ZNF536: variants seen among roughly 807,000 people sequenced by gnomAD.
The protein encoded by ZNF536 is zinc finger protein 536.
ZNF536 carries 13 observed loss-of-function variants against 84.5 expected under a neutral mutation model. The ratio of observed to expected loss-of-function variants is 0.15; its 90% CI spans 0.10 to 0.24. The LOEUF (loss-of-function observed/expected upper bound fraction) is 0.24. Among genes scored for constraint, ZNF536 ranks in the 10% least tolerant of loss-of-function variants. The pLI is 1.00. For missense variants in ZNF536, 1,536 were observed against 1,747.5 expected, an observed-to-expected ratio of 0.88 and a Z score of 2.16; for synonymous variants, 811 against 742.5, an observed-to-expected ratio of 1.09 and a Z score of -1.50.
chr19:30,344,093 A>C, intron 2 of ZNF536, among the ~76,000 whole-genome samples: 1 of 151,800 alleles, frequency 6.6e-6, no homozygotes, highest in African/African-American at 2.4e-5. Flanking sequence ...GCTGGGTTTC[A>C]GGGGCACCCC....
In ZNF536 at chr19:30,695,036, G is replaced by A. The variant is rs573419543; in HGVS notation, c.170-15721G>A. Among the ~76,000 whole-genome samples, 10 of 152,346 alleles carry A rather than the reference G, an allele frequency of 6.6e-5. No individual in the cohort carries two copies. The East Asian group carries it at 1.9e-3, about 29-fold the overall frequency. The stretch of plus-strand genomic sequence containing the variant: ...CACTCTCCACCAACGTGGAGAATGG[G>A]AGGAAGAGCGTAGTATTAATAGCTG... On this transcript the variant is annotated intron_variant, in intron 1 of 1. Coordinates refer to the ZNF536 transcript ENST00000592773.
At chr19:30,583,203 G>T (rs1270043970) in intron 1 of ZNF536, among the ~76,000 whole-genome samples, 1 of 152,222 alleles carries the variant, frequency 6.6e-6, no homozygotes, top group Non-Finnish European at 1.5e-5. Context: ...GTTGGAAGGA[G>T]TTCCTGGTCT....
At chr19:30,688,163 A>G (rs2051272342) in intron 1 of ZNF536, among the ~76,000 whole-genome samples, 1 of 152,154 alleles carries the variant, frequency 6.6e-6, no homozygotes, top group Admixed American at 6.5e-5. Flanking sequence ...TCTCCTGCCC[A>G]GGGCTGTGCA....
downstream of ZNF536, among the ~76,000 whole-genome samples, chr19:30,559,770 C>T (rs1568554620): frequency 6.6e-6 from 1 of 152,162 alleles, no homozygotes; most frequent in Admixed American, 6.5e-5. Context: ...GCCTGGAAGG[C>T]TCCCTGGAGC....
upstream of ZNF536, among the ~76,000 whole-genome samples, chr19:30,371,517 A>G (rs1367057373): frequency 6.6e-6 from 1 of 151,892 alleles, no homozygotes. Context: ...TCACCACTAA[A>G]ATAGCACACC....
intron 2 of ZNF536, among the ~76,000 whole-genome samples, chr19:30,507,612 G>T (rs78218171): frequency 7.9e-5 from 12 of 151,962 alleles, no homozygotes; most frequent in East Asian, 1.9e-4. Context: ...AGAGAAAAAG[G>T]GTTCCAAAAA....
At chr19:30,684,039 T>G (rs1242053296) in intron 1 of ZNF536, among the ~76,000 whole-genome samples, 2 of 152,204 alleles carry the variant, frequency 1.3e-5, no homozygotes, top group African/African-American at 2.4e-5. Flanking sequence ...GAAATCTTCT[T>G]GGAAAATTAT....
chr19:30,477,481 G>GA (rs961659899), intron 2 of ZNF536, among the ~76,000 whole-genome samples: 2 of 152,146 alleles, frequency 1.3e-5, no homozygotes, highest in African/African-American at 4.8e-5. Context: ...CCCAAGACAT[G>GA]AAAAAAATAT....
chr19:30,481,539 G>T (rs1251209149), intron 2 of ZNF536, among the ~76,000 whole-genome samples: 3 of 152,136 alleles, frequency 2.0e-5, no homozygotes, highest in Non-Finnish European at 4.4e-5. Flanking sequence ...ATACACATTG[G>T]TTCGTGATGA....
chr19:30,675,059 C>T (rs937851437), intron 1 of ZNF536, among the ~76,000 whole-genome samples: 6 of 152,166 alleles, frequency 3.9e-5, no homozygotes, highest in Non-Finnish European at 5.9e-5. Context: ...CAGTGCTCCA[C>T]GAGGCTCAGT....
At chr19:30,380,774 T>C (rs989792009) in intron 1 of ZNF536, among the ~76,000 whole-genome samples, 1 of 152,254 alleles carries the variant, frequency 6.6e-6, no homozygotes, top group South Asian at 2.1e-4. Flanking sequence ...GTCTGGCTGC[T>C]TCTCAGCAAG....
chr19:30,626,786 A>C (rs2048696154), intron 1 of ZNF536, among the ~76,000 whole-genome samples: 1 of 152,226 alleles, frequency 6.6e-6, no homozygotes, highest in African/African-American at 2.4e-5. Context: ...ATGTGCGGTG[A>C]TGGTGACCGC....
At chr19:30,422,937 C>A (rs1473258116) in intron 1 of ZNF536, among the ~76,000 whole-genome samples, 2 of 129,514 alleles carry the variant, frequency 1.5e-5, no homozygotes, top group South Asian at 6.3e-4. Flanking sequence ...ATCTACACAT[C>A]CATCCATCCA....
intron 1 of ZNF536, among the ~76,000 whole-genome samples, chr19:30,649,722 G>A (rs1398308815): frequency 6.6e-6 from 1 of 152,062 alleles, no homozygotes; most frequent in Admixed American, 6.5e-5. Context: ...AAGCCCGAGA[G>A]TCATCCTAAC....
chr19:30,470,963 C>T (rs1024165587), intron 2 of ZNF536, among the ~76,000 whole-genome samples: 2 of 150,918 alleles, frequency 1.3e-5, no homozygotes, highest in African/African-American at 4.9e-5. Context: ...GCTGGGAGTA[C>T]AGGCATGAGC....
chr19:30,649,694 T>G lies in ZNF536; in HGVS notation c.170-61063T>G, dbSNP rs576220909. Among the ~76,000 whole-genome samples the G allele has an allele frequency of 5.9e-5, 9 of 152,134 alleles. No individual in the cohort carries two copies. The East Asian group carries it at 1.7e-3, about 29-fold the overall frequency. ...ACAGGAAAACAATAGACTTGAAAGATACACACTTGTTCTTTTGAAGCCCGA... is the reference window on the plus strand; with the variant it reads ...ACAGGAAAACAATAGACTTGAAAGAGACACACTTGTTCTTTTGAAGCCCGA... On this transcript the variant is annotated intron_variant, in intron 1 of 1. Transcript: ENST00000592773.
rs532290694 is a variant in ZNF536 at position 30,660,917 on chromosome 19, C to T, written c.170-49840C>T. Among the ~76,000 whole-genome samples, 11 of 152,164 alleles carry T rather than the reference C, an allele frequency of 7.2e-5. No individual in the cohort carries two copies. The South Asian group carries it at 8.3e-4, about 11-fold the overall frequency. The stretch of plus-strand genomic sequence containing the variant: ...CAAAATCTCTGCCTCATACATGCTC[C>T]GCAGCAGCCTTCTGCATTTACACAT... On this transcript the variant is annotated intron_variant, in intron 1 of 1. Coordinates refer to the ZNF536 transcript ENST00000592773.
At chr19:30,710,321 T>C (rs973179542) in intron 1 of ZNF536, among the ~76,000 whole-genome samples, 1 of 151,920 alleles carries the variant, frequency 6.6e-6, no homozygotes, top group African/African-American at 2.4e-5. Context: ...AAAGAGAGGG[T>C]CCCTTGAGGC....
chr19:30,673,972 G>T (rs1467145612), intron 1 of ZNF536, among the ~76,000 whole-genome samples: 13 of 152,150 alleles, frequency 8.5e-5, no homozygotes. Context: ...CTCCGCACTT[G>T]GGTTCCATCA....
Sources: allele counts gnomAD v4.1 joint callset (sites outside exome capture counted in the v4.1 genomes callset), GRCh38; gene constraint gnomAD v4.1.1; transcripts MANE v1.5; gene names NCBI Gene and HGNC (gene_info 2026-07-23, HGNC 2026-07-21).